GPC5: variants seen among roughly 807,000 people sequenced by gnomAD.
GPC5 encodes glypican 5.
GPC5 carries 47 observed loss-of-function variants against 53.9 expected under a neutral mutation model. The observed-to-expected ratio is 0.87, with a 90% confidence interval of 0.69 to 1.11. The LOEUF (loss-of-function observed/expected upper bound fraction) is 1.11, where lower values mean the gene tolerates loss of function less well. Ranked by LOEUF, GPC5 falls within the 50% of genes most tolerant of loss-of-function variation. The pLI is 0.00. For synonymous variants in GPC5, 286 were observed against 263.3 expected, an observed-to-expected ratio of 1.09 and a Z score of -0.84; for missense variants, 748 against 713.1, an observed-to-expected ratio of 1.05 and a Z score of -0.56.
chr13:92,430,823 C>T (rs1053977310), intron 7 of GPC5, among the ~76,000 whole-genome samples: 1 of 151,926 alleles, frequency 6.6e-6, no homozygotes, highest in African/African-American at 2.4e-5. Flanking sequence ...AGCAGTAAAC[C>T]TCATTAAGCT....
intron 5 of GPC5, among the ~76,000 whole-genome samples, chr13:91,903,176 A>G (rs1161660705): frequency 1.3e-5 from 2 of 152,068 alleles, no homozygotes; most frequent in Non-Finnish European, 1.5e-5. Flanking sequence ...ATTTTTAGTA[A>G]ATTAGATCAT....
chr13:92,531,573 G>T (rs966557825), intron 7 of GPC5, among the ~76,000 whole-genome samples: 3 of 152,034 alleles, frequency 2.0e-5, no homozygotes, highest in African/African-American at 7.2e-5. Context: ...TGTATAAACA[G>T]ATTAAATCTT....
At chr13:92,670,402 CT>C (rs764154296) in intron 7 of GPC5, among the ~76,000 whole-genome samples, 4 of 152,182 alleles carry the variant, frequency 2.6e-5, no homozygotes, top group Admixed American at 2.0e-4. Context: ...GGCTAGAGGA[CT>C]TTCTTGGCAG....
chr13:92,624,772 G>A (rs1208885728), intron 7 of GPC5, among the ~76,000 whole-genome samples: 1 of 152,174 alleles, frequency 6.6e-6, no homozygotes. Flanking sequence ...TCTCTGCGGG[G>A]AGACATAACA....
chr13:92,246,044 G>A (rs980615008), intron 7 of GPC5, among the ~76,000 whole-genome samples: 8 of 149,986 alleles, frequency 5.3e-5, no homozygotes, highest in Non-Finnish European at 7.5e-5. Flanking sequence ...AAAAATCATC[G>A]TATCACCCAT....
chr13:91,738,457 T>C (rs139942238), intron 4 of GPC5, among the ~76,000 whole-genome samples: 8 of 151,246 alleles, frequency 5.3e-5, no homozygotes, highest in African/African-American at 1.7e-4. Context: ...ATTTATTAAG[T>C]GGTGATAAAT....
At chr13:92,406,464 T>C (rs916624392) in intron 7 of GPC5, among the ~76,000 whole-genome samples, 3 of 152,136 alleles carry the variant, frequency 2.0e-5, no homozygotes, top group Non-Finnish European at 2.9e-5. Flanking sequence ...TATATCAACT[T>C]GGAGATCATT....
rs141067384 is a variant in GPC5, at chr13:92,563,339, A to G, written c.1562-302943A>G. Among the ~76,000 whole-genome samples the G allele has an allele frequency of 2.2e-3, 332 of 152,206 alleles. 1 individual carries two copies. Among genetic ancestry groups the G allele is most frequent in the African/African-American group, 7.8e-3 (326 of 41,580 alleles). The stretch of plus-strand genomic sequence containing the variant: ...ATTGTTCTATCTAAGCTTTTTATCT[A>G]ATAGTTTTTAAAAGAAACATAACAG... On this transcript the variant is annotated intron_variant, in intron 7 of 7. Coordinates refer to ENST00000377067, the MANE Select transcript of GPC5 (RefSeq NM_004466.6).
At chr13:92,128,916 T>A (rs1225818101) in intron 6 of GPC5, among the ~76,000 whole-genome samples, 2 of 152,152 alleles carry the variant, frequency 1.3e-5, no homozygotes, top group Non-Finnish European at 2.9e-5. Context: ...TGAGCCAACA[T>A]TGTGCCACTG....
intron 6 of GPC5, among the ~76,000 whole-genome samples, chr13:91,957,128 T>G (rs2040080502): frequency 6.6e-6 from 1 of 151,916 alleles, no homozygotes; most frequent in Non-Finnish European, 1.5e-5. Context: ...GAGGTACATA[T>G]CATAGTAAAA....
chr13:92,383,207 T>A (rs572678057), intron 7 of GPC5, among the ~76,000 whole-genome samples: 1 of 152,286 alleles, frequency 6.6e-6, no homozygotes, highest in South Asian at 2.1e-4. Context: ...CTTATTATTA[T>A]TTTTTAATGT....
rs1443934996 is a variant in GPC5 at position 92,003,081 on chromosome 13, CG to C, written c.1401+95027del. 3.3e-5 allele frequency among the ~76,000 whole-genome samples: 5 copies of C among 152,086 alleles called. 1 individual carries two copies. In the East Asian group the frequency reaches 9.6e-4, roughly 29 times the overall value. On this transcript the variant is annotated intron_variant, in intron 6 of 7. Transcript: ENST00000377067. Reference sequence around the variant, plus strand: ...ATCCCAGCACTTTGGGAGGCCAAGGCGGGTGGATCACCAAAGGTCTGGAGTT... The same window carrying C: ...ATCCCAGCACTTTGGGAGGCCAAGGCGGTGGATCACCAAAGGTCTGGAGTT...
intron 2 of GPC5, among the ~76,000 whole-genome samples, chr13:91,560,886 T>C (rs1889880): frequency 0.93 from 141,991 of 152,174 alleles, 66,314 homozygotes; most frequent in East Asian, 0.99. Flanking sequence ...GTCAATTCAA[T>C]GGCACAGAAC....
At chr13:91,947,589 T>C (rs1386046062) in intron 6 of GPC5, among the ~76,000 whole-genome samples, 1 of 152,152 alleles carries the variant, frequency 6.6e-6, no homozygotes, top group Non-Finnish European at 1.5e-5. Flanking sequence ...CAGCCTTTGA[T>C]TGACAAGCTC....
intron 6 of GPC5, among the ~76,000 whole-genome samples, chr13:92,039,248 C>T (rs560044849): frequency 5.9e-5 from 9 of 152,210 alleles, no homozygotes; most frequent in East Asian, 3.9e-4. Context: ...TTATGTTTTC[C>T]GTTTTCTCTT....
rs190930515 is a variant in GPC5 at position 92,669,923 on chromosome 13, A to T, written c.1562-196359A>T. The stretch of plus-strand genomic sequence containing the variant: ...AATGTACCGGAATCCCTAGACAAGG[A>T]TCTTTGTTATTTGCCGTCACACAAT... On this transcript the variant is annotated intron_variant, in intron 7 of 7. Coordinates refer to ENST00000377067, the MANE Select transcript of GPC5 (RefSeq NM_004466.6). Among the ~76,000 whole-genome samples the T allele has an allele frequency of 5.4e-3, 829 of 152,292 alleles. 7 individuals are homozygous for T. The highest frequency in any genetic ancestry group is 9.1e-3 in the Non-Finnish European group (616 of 68,030).
intron 7 of GPC5, among the ~76,000 whole-genome samples, chr13:92,455,586 G>A (rs1878232514): frequency 1.3e-5 from 2 of 152,058 alleles, no homozygotes; most frequent in African/African-American, 4.8e-5. Flanking sequence ...TAGGAAAGAT[G>A]ACACATGACT....
rs542530773 is a variant in GPC5, at chr13:92,628,346, G to C, written c.1562-237936G>C. On this transcript the variant is annotated intron_variant, in intron 7 of 7. Transcript: ENST00000377067. ...GCTGGAGTGCAGTGGGGCAGTCTTG[G>C]CTCACTGCAACCTCCGCCTCCCGGG... Among the ~76,000 whole-genome samples the C allele has an allele frequency of 1.3e-4, 18 of 135,822 alleles. No individual in the cohort carries two copies. In the South Asian group the frequency reaches 4.4e-3, roughly 33 times the overall value. 89.1% of individuals were successfully genotyped at this position (135,822 alleles called of 152,430 possible).
At chr13:92,476,230 A>G (rs1312277215) in intron 7 of GPC5, among the ~76,000 whole-genome samples, 2 of 152,276 alleles carry the variant, frequency 1.3e-5, no homozygotes, top group East Asian at 1.9e-4. Context: ...AAAAGTGGGC[A>G]AAGGACATGA....
Sources: gnomAD v4.1 joint callset for allele counts (sites outside exome capture counted in the v4.1 genomes callset) on GRCh38, gnomAD v4.1.1 for gene constraint, MANE v1.5 for transcripts, NCBI Gene and HGNC (gene_info 2026-07-23, HGNC 2026-07-21) for gene names.